The following SPAG16 variants were observed in gnomAD, a reference collection of about 807,000 sequenced individuals.
The protein encoded by SPAG16 is sperm-associated antigen 16 protein.
A neutral mutation model predicts 80.4 loss-of-function variants in SPAG16; 86 were observed. The ratio of observed to expected loss-of-function variants is 1.07; its 90% confidence interval spans 0.90 to 1.28. The LOEUF (loss-of-function observed/expected upper bound fraction) is 1.28. SPAG16 is among the 50% of genes most tolerant of loss of function. SPAG16 has a pLI of 0.00. For synonymous variants in SPAG16, 294 were observed against 265.9 expected, an observed-to-expected ratio of 1.11 and a Z score of -1.03; for missense variants, 870 against 765.3, an observed-to-expected ratio of 1.14 and a Z score of -1.61.
At chr2:214,107,033 C>G (rs923409158) in intron 13 of SPAG16, among the ~76,000 whole-genome samples, 5 of 151,680 alleles carry the variant, frequency 3.3e-5, no homozygotes, top group African/African-American at 7.3e-5. Context: ...TGGCTAACTC[C>G]CTTACTATAC....
chr2:213,601,016 G>A (rs983655126), intron 10 of SPAG16, among the ~76,000 whole-genome samples: 5 of 152,168 alleles, frequency 3.3e-5, no homozygotes, highest in Non-Finnish European at 7.3e-5. Flanking sequence ...AAGTGAGATG[G>A]GGAAGTGTGG....
chr2:213,654,923 C>T (rs1031922022), intron 10 of SPAG16, among the ~76,000 whole-genome samples: 1 of 152,064 alleles, frequency 6.6e-6, no homozygotes, highest in Non-Finnish European at 1.5e-5. Flanking sequence ...TTTGAAAGGA[C>T]CACTGTAGAG....
chr2:214,217,158 T>G (rs1436150002), intron 15 of SPAG16, among the ~76,000 whole-genome samples: 1 of 152,218 alleles, frequency 6.6e-6, no homozygotes, highest in African/African-American at 2.4e-5. Context: ...GGTTAACATT[T>G]TAGATATAAA....
intron 10 of SPAG16, among the ~76,000 whole-genome samples, chr2:213,822,030 C>A (rs773937374): frequency 4.6e-5 from 7 of 152,130 alleles, no homozygotes; most frequent in Non-Finnish European, 1.0e-4. Context: ...GATATTTTTT[C>A]CATATACTGC....
intron 12 of SPAG16, among the ~76,000 whole-genome samples, chr2:213,971,673 C>A (rs1452357020): frequency 6.6e-6 from 1 of 152,130 alleles, no homozygotes; most frequent in Non-Finnish European, 1.5e-5. Flanking sequence ...GATCCAGCAA[C>A]TCTGCTTCTA....
chr2:214,078,697 C>A (rs2051209210), intron 13 of SPAG16, among the ~76,000 whole-genome samples: 1 of 151,820 alleles, frequency 6.6e-6, no homozygotes, highest in African/African-American at 2.4e-5. Context: ...GAAAAAATAA[C>A]CCTTTGAGGA....
At chr2:213,675,033 C>G (rs1479216825) in intron 10 of SPAG16, among the ~76,000 whole-genome samples, 1 of 150,430 alleles carries the variant, frequency 6.6e-6, no homozygotes, top group East Asian at 1.9e-4. Flanking sequence ...TCTCCACATC[C>G]TCTCCAGCAC....
chr2:213,812,017 A>C (rs187211478), intron 10 of SPAG16, among the ~76,000 whole-genome samples: 7 of 152,288 alleles, frequency 4.6e-5, no homozygotes, highest in Admixed American at 2.6e-4. Flanking sequence ...AAATGGGCCT[A>C]GCAACAGGAG....
intron 11 of SPAG16, among the ~76,000 whole-genome samples, chr2:213,913,676 G>GTACATGTAC (rs2077808700): frequency 6.8e-6 from 1 of 146,030 alleles, no homozygotes; most frequent in African/African-American, 2.7e-5. Context: ...TGTACATATG[G>GTACATGTAC]ATATATATGC....
At chr2:213,956,798 T>A (rs2044166758) in intron 12 of SPAG16, among the ~76,000 whole-genome samples, 1 of 152,134 alleles carries the variant, frequency 6.6e-6, no homozygotes, top group South Asian at 2.1e-4. Flanking sequence ...CCCCTTAGCA[T>A]GGCTTTCATT....
At chr2:213,398,137 T>G (rs759680544) in intron 9 of SPAG16, among the ~76,000 whole-genome samples, 15 of 151,970 alleles carry the variant, frequency 9.9e-5, no homozygotes, top group Non-Finnish European at 1.9e-4. Context: ...TACATTTTCA[T>G]TTTTTCTTAC....
intron 14 of SPAG16, among the ~76,000 whole-genome samples, chr2:214,125,734 A>G (rs1377346309): frequency 6.6e-6 from 1 of 151,762 alleles, no homozygotes; most frequent in African/African-American, 2.4e-5. Flanking sequence ...CACCCATCTT[A>G]AGGATCATAG....
At chr2:213,944,239 G>C (rs1419752780) in intron 12 of SPAG16, among the ~76,000 whole-genome samples, 2 of 152,210 alleles carry the variant, frequency 1.3e-5, no homozygotes, top group African/African-American at 2.4e-5. Flanking sequence ...AGCAACTGGG[G>C]CCTGTGTTTC....
intron 5 of SPAG16, among the ~76,000 whole-genome samples, chr2:213,339,486 T>C (rs2064560689): frequency 6.6e-6 from 1 of 152,336 alleles, no homozygotes; most frequent in Non-Finnish European, 1.5e-5. Context: ...TCTCATTAAA[T>C]GTTCACATAG....
At chr2:214,220,100 G>T (rs1332007353) in intron 15 of SPAG16, among the ~76,000 whole-genome samples, 1 of 152,018 alleles carries the variant, frequency 6.6e-6, no homozygotes, top group Non-Finnish European at 1.5e-5. Context: ...ACAAGATATA[G>T]AATATGATGT....
In SPAG16 at chr2:214,262,556, A is replaced by G. The variant is rs558369202; in HGVS notation, c.1720+113290A>G. ...ATGCTACACACAAACTAATCATTCA[A>G]AGTTTTCTCAGGATGATGAAATTTT... is the stretch of plus-strand genomic sequence containing the variant. On this transcript the variant is annotated intron_variant, in intron 15 of 15. Transcript: ENST00000331683. Among the ~76,000 whole-genome samples, 16 of 152,186 alleles carry G rather than the reference A, an allele frequency of 1.1e-4. No homozygotes were observed. The South Asian group carries it at 1.2e-3, about 12-fold the overall frequency.
intron 10 of SPAG16, among the ~76,000 whole-genome samples, chr2:213,819,265 A>G (rs768513852): frequency 3.9e-5 from 6 of 152,212 alleles, no homozygotes; most frequent in South Asian, 4.1e-4. Context: ...TTTTCTTCAA[A>G]TGATATTCAA....
At chr2:213,480,709 CCTGT>C (rs2073704818) in intron 9 of SPAG16, among the ~76,000 whole-genome samples, 1 of 152,240 alleles carries the variant, frequency 6.6e-6, no homozygotes, top group Non-Finnish European at 1.5e-5. Context: ...CTTTTGGCTA[CCTGT>C]CTTTCTATTT....
intron 13 of SPAG16, among the ~76,000 whole-genome samples, chr2:214,105,044 T>A (rs2053309123): frequency 6.6e-6 from 1 of 152,110 alleles, no homozygotes. Context: ...AATTTATCCA[T>A]TCTCTCTTTG....
Sources: allele counts gnomAD v4.1 joint callset (sites outside exome capture counted in the v4.1 genomes callset), GRCh38; gene constraint gnomAD v4.1.1; transcripts MANE v1.5; gene names NCBI Gene and HGNC (gene_info 2026-07-23, HGNC 2026-07-21).